Variants in NR2F1-AS1 observed in about 807,000 individuals in gnomAD.
The protein encoded by NR2F1-AS1 is NR2F1 regulatory antisense RNA 1.
chr5:93,525,058 A>G (rs990459414), intron 4 of NR2F1-AS1, among the ~76,000 whole-genome samples: 1 of 152,214 alleles, frequency 6.6e-6, no homozygotes, highest in Non-Finnish European at 1.5e-5. Context: ...TAAAAGACAC[A>G]GACTGGTAAA....
chr5:93,514,297 T>A (rs1192489851), intron 4 of NR2F1-AS1, among the ~76,000 whole-genome samples: 1 of 152,122 alleles, frequency 6.6e-6, no homozygotes, highest in Non-Finnish European at 1.5e-5. Context: ...ATTGTTACTC[T>A]TTGATAAACC....
intron 4 of NR2F1-AS1, among the ~76,000 whole-genome samples, chr5:93,538,077 C>T (rs1751874831): frequency 6.6e-6 from 1 of 152,106 alleles, no homozygotes; most frequent in Non-Finnish European, 1.5e-5. Context: ...TAGTTCCTTC[C>T]TTGTGCCCTG....
chr5:93,524,924 T>G (rs1751579802), intron 4 of NR2F1-AS1, among the ~76,000 whole-genome samples: 1 of 152,122 alleles, frequency 6.6e-6, no homozygotes, highest in Non-Finnish European at 1.5e-5. Context: ...TAAAGACCAC[T>G]GACACTATGA....
intron 4 of NR2F1-AS1, among the ~76,000 whole-genome samples, chr5:93,431,163 A>G (rs984756386): frequency 6.6e-6 from 1 of 152,206 alleles, no homozygotes; most frequent in East Asian, 1.9e-4. Context: ...AAATTAAATA[A>G]AACAGGACAG....
intron 4 of NR2F1-AS1, among the ~76,000 whole-genome samples, chr5:93,512,182 G>A (rs1384999409): frequency 6.6e-6 from 1 of 152,116 alleles, no homozygotes; most frequent in Non-Finnish European, 1.5e-5. Flanking sequence ...GACAAGATGT[G>A]GGATGGAAGA....
chr5:93,442,358 C>G (rs559129898), intron 4 of NR2F1-AS1, among the ~76,000 whole-genome samples: 1 of 152,264 alleles, frequency 6.6e-6, no homozygotes, highest in East Asian at 1.9e-4. Context: ...TGTGCTTTTC[C>G]AATGGTCTTA....
At chr5:93,524,004 G>A (rs900646184) in intron 4 of NR2F1-AS1, among the ~76,000 whole-genome samples, 10 of 152,076 alleles carry the variant, frequency 6.6e-5, no homozygotes, top group African/African-American at 2.2e-4. Context: ...CAGAGAATGA[G>A]TTTGAAAAAT....
At chr5:93,464,447 T>C (rs1750175847) in intron 4 of NR2F1-AS1, among the ~76,000 whole-genome samples, 1 of 152,210 alleles carries the variant, frequency 6.6e-6, no homozygotes, top group African/African-American at 2.4e-5. Context: ...AAAATAGATG[T>C]TTTCAATTAC....
chr5:93,518,999 C>CT, intron 4 of NR2F1-AS1, among the ~76,000 whole-genome samples: 1 of 152,188 alleles, frequency 6.6e-6, no homozygotes, highest in Middle Eastern at 3.4e-3. Flanking sequence ...AATCACTACA[C>CT]TTAAGTGGCC....
Position 93,533,230 on chromosome 5 carries a change from AT to A in NR2F1-AS1, n.638+20530del, listed in dbSNP as rs1217979915. Among the ~76,000 whole-genome samples, 9 of 151,782 alleles carry A rather than the reference AT, an allele frequency of 5.9e-5. No individual in the cohort carries two copies. The East Asian group carries it at 7.7e-4, about 13-fold the overall frequency. ...TATTAATGAGTACAAATGTGGCCAG[AT>A]TTTTTTTTAAACTGGGAAAATTGAT... On this transcript the variant is annotated intron_variant and non_coding_transcript_variant, in intron 4 of 5. Transcript: ENST00000660523.
At chr5:93,434,416 T>C (rs1024074590) in intron 4 of NR2F1-AS1, among the ~76,000 whole-genome samples, 4 of 152,176 alleles carry the variant, frequency 2.6e-5, no homozygotes, top group African/African-American at 9.6e-5. Context: ...ACCCACATTG[T>C]TAACATTTTG....
At chr5:93,430,410 G>A (rs1036813272) in intron 4 of NR2F1-AS1, among the ~76,000 whole-genome samples, 1 of 152,150 alleles carries the variant, frequency 6.6e-6, no homozygotes, top group Non-Finnish European at 1.5e-5. Flanking sequence ...GCTGCCTGAC[G>A]GGGAACTAAA....
chr5:93,465,617 C>T (rs921770946), intron 4 of NR2F1-AS1, among the ~76,000 whole-genome samples: 4 of 152,150 alleles, frequency 2.6e-5, no homozygotes, highest in Admixed American at 2.6e-4. Context: ...TATAAAGACA[C>T]ATGCACGTGT....
At chr5:93,438,547 T>G (rs1749492224) in intron 4 of NR2F1-AS1, among the ~76,000 whole-genome samples, 1 of 152,222 alleles carries the variant, frequency 6.6e-6, no homozygotes, top group Non-Finnish European at 1.5e-5. Flanking sequence ...CATTATCCTC[T>G]CTTACGTAGA....
At position 93,525,591 on chromosome 5, in the gene NR2F1-AS1, T is replaced by C. The variant is rs892096865; in HGVS notation, n.638+28170A>G. ...GCACCACATTGCATTTATTCTAAAA[T>C]TGACCACATAATTAGAACAACATTC... On this transcript the variant is annotated intron_variant and non_coding_transcript_variant, in intron 4 of 5. Coordinates refer to ENST00000660523, the Ensembl canonical transcript of NR2F1-AS1. Among the ~76,000 whole-genome samples, 9 of 152,180 alleles carry C rather than the reference T, an allele frequency of 5.9e-5. No homozygotes were observed. In the South Asian group the frequency reaches 6.2e-4, roughly 11 times the overall value.
At chr5:93,526,804 C>T (rs1187192903) in intron 4 of NR2F1-AS1, among the ~76,000 whole-genome samples, 3 of 152,016 alleles carry the variant, frequency 2.0e-5, no homozygotes, top group Admixed American at 6.6e-5. Flanking sequence ...CACCCCTTCA[C>T]GCTAAAAACT....
chr5:93,581,368 G>A (rs1304827535), upstream of NR2F1-AS1: 1 of 152,172 alleles, frequency 6.6e-6, no homozygotes, highest in Non-Finnish European at 1.5e-5. Flanking sequence ...GGGGGTGCGA[G>A]TATGCGATTG....
chr5:93,449,573 A>C (rs1177812786), intron 4 of NR2F1-AS1, among the ~76,000 whole-genome samples: 1 of 152,224 alleles, frequency 6.6e-6, no homozygotes, highest in Non-Finnish European at 1.5e-5. Flanking sequence ...TAGAGATAAC[A>C]AAGTATTATG....
chr5:93,470,407 A>T (rs765979848), intron 4 of NR2F1-AS1, among the ~76,000 whole-genome samples: 4 of 151,902 alleles, frequency 2.6e-5, no homozygotes, highest in Admixed American at 6.6e-5. Flanking sequence ...CTCTGTGACT[A>T]ATAAAAGACC....
Sources: allele counts gnomAD v4.1 joint callset (sites outside exome capture counted in the v4.1 genomes callset), GRCh38; gene constraint gnomAD v4.1.1; transcripts MANE v1.5; gene names NCBI Gene and HGNC (gene_info 2026-07-23, HGNC 2026-07-21).